Variants in ZNF254 observed in about 807,000 individuals in gnomAD.
ZNF254 encodes zinc finger protein 254.
In ZNF254, 10 loss-of-function variants were observed where a neutral mutation model predicts 12.4. The observed-to-expected ratio is 0.80, with a 90% CI of 0.50 to 1.36. The LOEUF is 1.36. Among genes scored for constraint, ZNF254 ranks in the 40% most tolerant of loss-of-function variants. The pLI is 0.00. For missense variants in ZNF254, 996 were observed against 763.9 expected (o/e 1.30, Z -3.58); for synonymous variants, 305 against 253.4 (o/e 1.20, Z -1.93).
intron 2 of ZNF254, chr19:24,079,520 G>A (rs1369869565): frequency 1.3e-5 from 2 of 152,226 alleles, no homozygotes; most frequent in Non-Finnish European, 2.9e-5. Context: ...GTGAGAGGAG[G>A]TGTCCCCTTT....
chr19:24,042,495 ACACT>A (rs377709589), intron 1 of ZNF254, among the ~76,000 whole-genome samples: 23 of 152,252 alleles, frequency 1.5e-4, no homozygotes, highest in African/African-American at 4.8e-4. Context: ...AAGAGCTGTA[ACACT>A]CACCGTGAAG....
intron 3 of ZNF254, among the ~76,000 whole-genome samples, chr19:24,118,277 C>A (rs1461510121): frequency 1.3e-5 from 2 of 151,458 alleles, no homozygotes; most frequent in Non-Finnish European, 3.0e-5. Context: ...TGGTCTTGAA[C>A]TCCTGACCTC....
At chr19:24,055,277 T>C (rs1170174413) in intron 2 of ZNF254, among the ~76,000 whole-genome samples, 5 of 150,332 alleles carry the variant, frequency 3.3e-5, no homozygotes, top group Admixed American at 2.7e-4. Context: ...TTTTCTCTTT[T>C]TCTTTTTCTT....
chr19:24,117,820 C>T (rs1035968451), intron 3 of ZNF254, among the ~76,000 whole-genome samples: 4 of 151,890 alleles, frequency 2.6e-5, no homozygotes, highest in East Asian at 1.9e-4. Flanking sequence ...CGGAGCTGTT[C>T]GTATTTGGCC....
At position 24,129,684 on chromosome 19, in the gene ZNF254, C is replaced by G. The variant is rs1471888878; in HGVS notation, c.*1704C>G. 1 of 151,814 alleles carries G rather than the reference C, an allele frequency of 6.6e-6. No individual in the cohort carries two copies. The highest frequency in any genetic ancestry group is 1.5e-5 in the Non-Finnish European group (1 of 67,898). 9.4% of individuals were successfully genotyped at this position (151,814 alleles called of 1,614,324 possible). On this transcript the variant is annotated 3_prime_UTR_variant, in exon 4 of 4. Transcript: ENST00000357002. Reference sequence around the variant, plus strand: ...GAAATGAGATATCCATTACCTCTAGCATTTATTCTTTTTATTACAAGCAAT... The same window carrying G: ...GAAATGAGATATCCATTACCTCTAGGATTTATTCTTTTTATTACAAGCAAT...
chr19:24,119,395 T>C (rs1974329790), intron 3 of ZNF254, among the ~76,000 whole-genome samples: 1 of 151,996 alleles, frequency 6.6e-6, no homozygotes, highest in African/African-American at 2.4e-5. Flanking sequence ...TTTCACCATA[T>C]TGGCTAGGCT....
chr19:24,046,717 T>A (rs1311029543), intron 2 of ZNF254, among the ~76,000 whole-genome samples: 1 of 152,114 alleles, frequency 6.6e-6, no homozygotes. Context: ...AGCTCTTCAG[T>A]GTAGAGGGAG....
chr19:24,056,322 A>G (rs1427377678), intron 2 of ZNF254, among the ~76,000 whole-genome samples: 1 of 152,124 alleles, frequency 6.6e-6, no homozygotes, highest in Non-Finnish European at 1.5e-5. Flanking sequence ...ATTATGACAT[A>G]TATTTCCATT....
intron 3 of ZNF254, among the ~76,000 whole-genome samples, chr19:24,121,227 G>T (rs1034055490): frequency 6.6e-6 from 1 of 151,894 alleles, no homozygotes; most frequent in Admixed American, 6.6e-5. Flanking sequence ...TTATCTTCAA[G>T]TAACCACTGT....
At chr19:24,067,920 CTCT>C (rs987224463) in intron 2 of ZNF254, among the ~76,000 whole-genome samples, 2 of 152,178 alleles carry the variant, frequency 1.3e-5, no homozygotes, top group African/African-American at 4.8e-5. Context: ...AGTGATGTGA[CTCT>C]TCATCAGCCT....
chr19:24,064,300 C>T (rs1024971628), intron 2 of ZNF254, among the ~76,000 whole-genome samples: 50 of 152,224 alleles, frequency 3.3e-4, no homozygotes, highest in African/African-American at 1.2e-3. Flanking sequence ...GACATTGTGA[C>T]GTATCTCTAG....
chr19:24,111,159 G>A lies in ZNF254; in HGVS notation c.253+4516G>A, dbSNP rs145122425. On this transcript the variant is annotated intron_variant, in intron 3 of 3. Coordinates refer to ENST00000357002, the MANE Select transcript of ZNF254 (RefSeq NM_203282.4). ...GATGTTCCCCTTCCTGTGTTCATGT[G>A]TTCTCATTGTTCAATTCCCACCTAT... Among the ~76,000 whole-genome samples the A allele has an allele frequency of 2.5e-3, 339 of 137,542 alleles. 2 individuals are homozygous for A. Among genetic ancestry groups the A allele is most frequent in the African/African-American group, 8.8e-3 (322 of 36,402 alleles). 90.2% of individuals were successfully genotyped at this position (137,542 alleles called of 152,430 possible). A position where few individuals can be genotyped will look rare whatever the true frequency, so the allele number is the denominator to read the frequency against.
intron 1 of ZNF254, among the ~76,000 whole-genome samples, chr19:24,039,770 G>A (rs144462435): frequency 2.4e-3 from 360 of 152,312 alleles, no homozygotes; most frequent in African/African-American, 8.4e-3. Flanking sequence ...GAATGAAGAA[G>A]GGAGTTGCAC....
intron 2 of ZNF254, among the ~76,000 whole-genome samples, chr19:24,080,889 G>A (rs1417773108): frequency 1.3e-5 from 2 of 151,562 alleles, no homozygotes; most frequent in Non-Finnish European, 2.9e-5. Flanking sequence ...ACCAGCCTGA[G>A]CAACAAGGAG....
At chr19:24,106,975 TG>T (rs1973382077) in intron 3 of ZNF254, 2 of 421,328 alleles carry the variant, frequency 4.7e-6, no homozygotes, top group Admixed American at 8.9e-5. Context: ...AGATACTGTA[TG>T]TTAAACTGTT....
intron 2 of ZNF254, among the ~76,000 whole-genome samples, chr19:24,055,232 A>AAAAG (rs1555753129): frequency 3.3e-5 from 4 of 122,542 alleles, no homozygotes; most frequent in Non-Finnish European, 5.4e-5. Context: ...AAAAAAAAAA[A>AAAAG]GAGTGTACTA....
In ZNF254 at chr19:24,128,102, G is replaced by T. The variant is rs568393558; in HGVS notation, c.*122G>T. 56 of 1,007,038 alleles carry T rather than the reference G, an allele frequency of 5.6e-5. No individual in the cohort carries two copies. In the South Asian group the frequency reaches 1.6e-3, roughly 28 times the overall value. The allele number at this position is 1,007,038 out of a possible 1,614,324, so 62.4% of individuals were successfully genotyped here. ...TTTTGACAGTACCTAAAACTTTAAA[G>T]AAAATCATTCTGCTGAAAAATCCTA... is the stretch of plus-strand genomic sequence containing the variant. On this transcript the variant is annotated 3_prime_UTR_variant, in exon 4 of 4. Transcript: ENST00000357002.
At chr19:24,086,527 G>C (rs1242408064), upstream of ZNF254, among the ~76,000 whole-genome samples, 1 of 151,658 alleles carries the variant, frequency 6.6e-6, no homozygotes, top group Non-Finnish European at 1.5e-5. Flanking sequence ...GTCCAGGCTG[G>C]AGTGTAATGA....
At chr19:24,052,205 C>G (rs1970674432) in intron 2 of ZNF254, among the ~76,000 whole-genome samples, 1 of 152,226 alleles carries the variant, frequency 6.6e-6, no homozygotes, top group African/African-American at 2.4e-5. Flanking sequence ...CCTCTTCTGC[C>G]TAAGCCCTGC....
Sources: allele counts gnomAD v4.1 joint callset (sites outside exome capture counted in the v4.1 genomes callset), GRCh38; gene constraint gnomAD v4.1.1; transcripts MANE v1.5; gene names NCBI Gene and HGNC (gene_info 2026-07-23, HGNC 2026-07-21).